The following RUNX2 variants were observed in gnomAD, a reference collection of about 807,000 sequenced individuals.
The protein encoded by RUNX2 is RUNX family transcription factor 2.
In RUNX2, 10 loss-of-function variants were observed where a neutral mutation model predicts 51.7. That is an observed-to-expected ratio of 0.19 (90% CI 0.12 to 0.33). The LOEUF is 0.33. RUNX2 is among the 10% of genes least tolerant of loss of function. RUNX2 has a pLI of 1.00. For missense variants in RUNX2, 562 were observed against 691.3 expected (o/e 0.81, Z 2.10); for synonymous variants, 276 against 273.6 (o/e 1.01, Z -0.09).
chr6:45,338,143 A>G (rs1316505416), intron 2 of RUNX2, among the ~76,000 whole-genome samples: 1 of 152,014 alleles, frequency 6.6e-6, no homozygotes, highest in Non-Finnish European at 1.5e-5. Context: ...GCTTTCTGTA[A>G]GTTGTACTTT....
chr6:45,422,473 C>G, intron 2 of RUNX2, 120 bp from the exon 3 acceptor site: 1 of 815,230 alleles, frequency 1.2e-6, no homozygotes, highest in Non-Finnish European at 1.9e-6. Context: ...CACCTCCATC[C>G]TCTTTCCCCC....
At chr6:45,374,298 A>G (rs1240908932) in intron 2 of RUNX2, among the ~76,000 whole-genome samples, 6 of 152,222 alleles carry the variant, frequency 3.9e-5, no homozygotes, top group African/African-American at 1.4e-4. Flanking sequence ...AATAAACTTA[A>G]GGCTACAGCA....
chr6:45,337,823 T>C (rs1217868418), intron 2 of RUNX2, among the ~76,000 whole-genome samples: 1 of 151,980 alleles, frequency 6.6e-6, no homozygotes, highest in African/African-American at 2.4e-5. Context: ...TAAATAATTC[T>C]TTTTGCGAAA....
intron 7 of RUNX2, among the ~76,000 whole-genome samples, chr6:45,515,461 A>G (rs999523964): frequency 7.9e-5 from 12 of 152,222 alleles, no homozygotes; most frequent in African/African-American, 2.7e-4. Context: ...TTATGAAGCT[A>G]AAATTGTTTT....
At chr6:45,492,211 T>C in intron 6 of RUNX2, 97 bp downstream of exon 6, 2 of 1,147,220 alleles carry the variant, frequency 1.7e-6, no homozygotes, top group Non-Finnish European at 2.6e-6. Context: ...CTCCTGGAGC[T>C]GTGAAGCGGC....
chr6:45,353,764 G>A lies in RUNX2; in HGVS notation c.58+24980G>A, dbSNP rs374232504. ...ATATATAAGACTGATTCAACTATAT[G>A]AGCAATGAAAACTCATTTTTTTTTT... On this transcript the variant is annotated intron_variant, in intron 2 of 8. Transcript: ENST00000647337. Among the ~76,000 whole-genome samples, 46 of 151,888 alleles carry A rather than the reference G, an allele frequency of 3.0e-4. 1 individual carries two copies. Among genetic ancestry groups the A allele is most frequent in the East Asian group, 1.4e-3 (7 of 5,158 alleles).
At chr6:45,376,658 T>C (rs957313145) in intron 2 of RUNX2, among the ~76,000 whole-genome samples, 7 of 152,222 alleles carry the variant, frequency 4.6e-5, no homozygotes, top group Non-Finnish European at 4.4e-5. Context: ...CATAGCACAA[T>C]GAAGAGCATT....
chr6:45,379,557 G>C (rs1249083361), intron 2 of RUNX2, among the ~76,000 whole-genome samples: 1 of 152,072 alleles, frequency 6.6e-6, no homozygotes, highest in Non-Finnish European at 1.5e-5. Flanking sequence ...TAGGATACTG[G>C]TGTCCAGCCT....
At chr6:45,339,786 T>G (rs1789379074) in intron 2 of RUNX2, among the ~76,000 whole-genome samples, 1 of 152,208 alleles carries the variant, frequency 6.6e-6, no homozygotes, top group Non-Finnish European at 1.5e-5. Context: ...TTAGACAACA[T>G]ATTTTGAAAA....
At position 45,485,673 on chromosome 6, in the gene RUNX2, A is replaced by ATGTG. The variant is rs370831246; in HGVS notation, c.686-6246_686-6243dup. ...TATATATATGTGTGCATGGATATGT[A>ATGTG]TGTGTGTGTGTGTGTGTGTGTGTGT... is the stretch of plus-strand genomic sequence containing the variant. On this transcript the variant is annotated intron_variant, in intron 5 of 8. Transcript: ENST00000647337. 5.7e-4 allele frequency among the ~76,000 whole-genome samples: 71 copies of ATGTG among 124,242 alleles called. 2 individuals are homozygous for ATGTG. Among genetic ancestry groups the ATGTG allele is most frequent in the African/African-American group, 1.7e-3 (55 of 31,790 alleles). 81.5% of individuals were successfully genotyped at this position (124,242 alleles called of 152,430 possible). A position where few individuals can be genotyped will look rare whatever the true frequency, so the allele number is the denominator to read the frequency against.
chr6:45,328,632 C>T (rs748443174), intron 1 of RUNX2, 29 bp from the exon 2 acceptor site: 2 of 1,608,906 alleles, frequency 1.2e-6, no homozygotes. Flanking sequence ...AAAACTAAAA[C>T]AAGGTTTGGG....
chr6:45,370,287 C>T (rs560441502), intron 2 of RUNX2, among the ~76,000 whole-genome samples: 8 of 152,120 alleles, frequency 5.3e-5, no homozygotes, highest in South Asian at 2.1e-4. Flanking sequence ...ATGGATTACA[C>T]GTGGGGTGTG....
At chr6:45,393,687 CA>C (rs1320908957) in intron 2 of RUNX2, among the ~76,000 whole-genome samples, 3 of 152,058 alleles carry the variant, frequency 2.0e-5, no homozygotes, top group Non-Finnish European at 4.4e-5. Context: ...CTCGGCCTCC[CA>C]AAGTGCTGGG....
At chr6:45,515,045 A>G (rs1801276825) in intron 7 of RUNX2, among the ~76,000 whole-genome samples, 1 of 151,170 alleles carries the variant, frequency 6.6e-6, no homozygotes. Context: ...TGCTGTTTCC[A>G]CATAACGCGG....
At chr6:45,347,063 A>C (rs1791032625) in intron 2 of RUNX2, among the ~76,000 whole-genome samples, 1 of 152,218 alleles carries the variant, frequency 6.6e-6, no homozygotes, top group Non-Finnish European at 1.5e-5. Flanking sequence ...ATAATTAAAA[A>C]TTGAACACAT....
chr6:45,516,562 C>T (rs1337630959), intron 7 of RUNX2, among the ~76,000 whole-genome samples: 1 of 152,218 alleles, frequency 6.6e-6, no homozygotes, highest in South Asian at 2.1e-4. Context: ...CTCCTATCCC[C>T]AGGTGATTTT....
At chr6:45,420,898 T>A (rs900521267) in intron 2 of RUNX2, among the ~76,000 whole-genome samples, 3 of 152,174 alleles carry the variant, frequency 2.0e-5, no homozygotes, top group African/African-American at 7.2e-5. Context: ...GTCGTGTCTA[T>A]ATAAACCACA....
In RUNX2 at chr6:45,512,305, C is replaced by G; in HGVS notation, c.919C>G (p.Leu307Val). Residue 307 changes from leucine to valine, a missense_variant, in exon 7 of 9, where the codon CTG becomes GTG. Transcript: ENST00000647337. ...WSYDQSYPSY[L>V]SQMTSPSIHS... Reference sequence around the variant, plus strand: ...CTATGACCAGTCTTACCCCTCCTACCTGAGCCAGATGACGTCCCCGTCCAT... The same window carrying G: ...CTATGACCAGTCTTACCCCTCCTACGTGAGCCAGATGACGTCCCCGTCCAT... The G allele has an allele frequency of 6.2e-7, 1 of 1,614,174 alleles. No homozygotes were observed. The highest frequency in any genetic ancestry group is 8.5e-7 in the Non-Finnish European group (1 of 1,180,026).
Position 45,550,129 on chromosome 6 carries a change from G to A in RUNX2, c.*2824G>A, listed in dbSNP as rs1432792219. The A allele has an allele frequency of 6.6e-6, 1 of 152,200 alleles. No individual in the cohort carries two copies. The highest frequency in any genetic ancestry group is 6.6e-5 in the Admixed American group (1 of 15,226). 9.4% of individuals were successfully genotyped at this position (152,200 alleles called of 1,614,324 possible). ...GTACTAGTTCCTGGGAATTAAAATA[G>A]CGTGGTTCTCTTTGTAGCACAAACA... On this transcript the variant is annotated 3_prime_UTR_variant, in exon 9 of 9. Transcript: ENST00000647337.
Sources: allele counts gnomAD v4.1 joint callset (sites outside exome capture counted in the v4.1 genomes callset), GRCh38; gene constraint gnomAD v4.1.1; transcripts MANE v1.5; gene names NCBI Gene and HGNC (gene_info 2026-07-23, HGNC 2026-07-21).